SOX6: variants seen among roughly 807,000 people sequenced by gnomAD.
SOX6 encodes SRY-box transcription factor 6.
A neutral mutation model predicts 97.8 loss-of-function variants in SOX6; 11 were observed. The ratio of observed to expected loss-of-function variants is 0.11; its 90% CI spans 0.07 to 0.19. The LOEUF (loss-of-function observed/expected upper bound fraction) is 0.19. Ranked by LOEUF, SOX6 falls within the 10% of genes least tolerant of loss-of-function variation. The pLI, the probability that SOX6 is intolerant of heterozygous loss-of-function variation, is 1.00. For synonymous variants in SOX6, 360 were observed against 371.4 expected, an observed-to-expected ratio of 0.97 and a Z score of 0.35; for missense variants, 810 against 1,039.5, an observed-to-expected ratio of 0.78 and a Z score of 3.04.
chr11:16,323,430 G>T (rs145654709), intron 2 of SOX6, among the ~76,000 whole-genome samples: 5 of 152,208 alleles, frequency 3.3e-5, no homozygotes, highest in African/African-American at 1.2e-4. Flanking sequence ...CAAAACTGAT[G>T]GTTCACCAAT....
At chr11:16,521,692 G>A (rs1017841910) in intron 4 of SOX6, among the ~76,000 whole-genome samples, 1 of 152,146 alleles carries the variant, frequency 6.6e-6, no homozygotes, top group Non-Finnish European at 1.5e-5. Flanking sequence ...AGCTACAGGA[G>A]GAAACTCAAA....
At chr11:15,976,140 CA>C (rs1853476843) in intron 15 of SOX6, among the ~76,000 whole-genome samples, 1 of 152,134 alleles carries the variant, frequency 6.6e-6, no homozygotes, top group African/African-American at 2.4e-5. Flanking sequence ...GTAAGGTTCT[CA>C]CATTCACATA....
At chr11:16,395,283 T>C (rs1315105428) in intron 1 of SOX6, among the ~76,000 whole-genome samples, 1 of 151,828 alleles carries the variant, frequency 6.6e-6, no homozygotes, top group Non-Finnish European at 1.5e-5. Context: ...TAATTTCAAA[T>C]TGCAATATCT....
In SOX6 at chr11:16,449,393, C is replaced by T. The variant is rs545865974; in HGVS notation, c.-5+26922G>A. On this transcript the variant is annotated intron_variant, in intron 1 of 15. Coordinates refer to the SOX6 transcript ENST00000396356. The stretch of plus-strand genomic sequence containing the variant: ...CTGCAAGCTCCGCCTCCCGGGTTCG[C>T]GCCATTCTCCTGCCTCCGCCTCCTG... Among the ~76,000 whole-genome samples, 21 of 146,562 alleles carry T rather than the reference C, an allele frequency of 1.4e-4. No homozygotes were observed. In the South Asian group the frequency reaches 3.6e-3, roughly 25 times the overall value.
chr11:16,642,143 T>C (rs1848926388), intron 3 of SOX6, among the ~76,000 whole-genome samples: 1 of 152,170 alleles, frequency 6.6e-6, no homozygotes, highest in South Asian at 2.1e-4. Flanking sequence ...CTGTAAAGTA[T>C]TTTATTTCTC....
intron 4 of SOX6, among the ~76,000 whole-genome samples, chr11:16,516,274 A>G (rs910914137): frequency 2.6e-5 from 4 of 151,856 alleles, no homozygotes; most frequent in Non-Finnish European, 5.9e-5. Flanking sequence ...ATCCCTTGTA[A>G]GTTGGATTCC....
chr11:16,073,907 C>A (rs1044495828), intron 9 of SOX6, among the ~76,000 whole-genome samples: 2 of 152,082 alleles, frequency 1.3e-5, no homozygotes, highest in African/African-American at 2.4e-5. Context: ...ACCAAAGATA[C>A]AATATACCAG....
intron 1 of SOX6, among the ~76,000 whole-genome samples, chr11:16,447,772 G>T (rs1859642399): frequency 6.6e-6 from 1 of 152,152 alleles, no homozygotes; most frequent in Non-Finnish European, 1.5e-5. Flanking sequence ...CAAACTGTGT[G>T]TTGAATGAGT....
intron 3 of SOX6, among the ~76,000 whole-genome samples, chr11:16,670,550 C>T (rs1470234326): frequency 6.6e-6 from 1 of 152,206 alleles, no homozygotes; most frequent in East Asian, 1.9e-4. Context: ...ATTCACACCT[C>T]CAACAAACTG....
At chr11:16,162,265 T>C (rs938548592) in intron 6 of SOX6, among the ~76,000 whole-genome samples, 1 of 152,204 alleles carries the variant, frequency 6.6e-6, no homozygotes, top group African/African-American at 2.4e-5. Context: ...TTTTATTTCT[T>C]TGAAGACCTT....
At chr11:16,713,694 G>T (rs374615002) in intron 3 of SOX6, among the ~76,000 whole-genome samples, 1 of 152,104 alleles carries the variant, frequency 6.6e-6, no homozygotes, top group South Asian at 2.1e-4. Context: ...ATCCTACACT[G>T]CCTACTTTCA....
intron 6 of SOX6, among the ~76,000 whole-genome samples, chr11:16,138,949 A>AT (rs1403454456): frequency 6.6e-6 from 1 of 152,086 alleles, no homozygotes; most frequent in Admixed American, 6.5e-5. Flanking sequence ...CCAGTCTATC[A>AT]TTTTTGGACA....
Position 15,968,737 on chromosome 11 carries a change from A to T in SOX6, c.*4072T>A, listed in dbSNP as rs972334452. 6 of 152,306 alleles carry T rather than the reference A, an allele frequency of 3.9e-5. No individual in the cohort carries two copies. Among genetic ancestry groups the T allele is most frequent in the Non-Finnish European group, 5.9e-5 (4 of 68,116 alleles). 9.4% of individuals were successfully genotyped at this position (152,306 alleles called of 1,614,324 possible). A position where few individuals can be genotyped will look rare whatever the true frequency, so the allele number is the denominator to read the frequency against. On this transcript the variant is annotated 3_prime_UTR_variant, in exon 16 of 16. Coordinates refer to ENST00000683767, the MANE Select transcript of SOX6 (RefSeq NM_001367873.1). ...GGGGAGGCCAGAATTCGACAAGCTC[A>T]ATAGCACTGTGAGCCCACACCTGAA...
At chr11:16,401,063 A>G (rs1858544548) in intron 1 of SOX6, among the ~76,000 whole-genome samples, 1 of 151,554 alleles carries the variant, frequency 6.6e-6, no homozygotes, top group South Asian at 2.1e-4. Context: ...TTTTTCAATT[A>G]TATACCAATT....
At chr11:16,222,026 T>G in intron 4 of SOX6, among the ~76,000 whole-genome samples, 1 of 152,238 alleles carries the variant, frequency 6.6e-6, no homozygotes, top group Admixed American at 6.5e-5. Context: ...ACGAAAAGGT[T>G]GTAAAATACT....
At chr11:16,380,945 T>C (rs1001906888) in intron 1 of SOX6, among the ~76,000 whole-genome samples, 1 of 152,114 alleles carries the variant, frequency 6.6e-6, no homozygotes, top group Admixed American at 6.6e-5. Context: ...TTTCTAAACA[T>C]ATGATCTTGA....
chr11:16,316,079 T>C (rs1855751863), intron 3 of SOX6: 1 of 149,240 alleles, frequency 6.7e-6, no homozygotes, highest in Non-Finnish European at 1.5e-5. Context: ...GCTGACCCCA[T>C]TGCATTTTCT....
chr11:16,451,718 A>G (rs1859718411), intron 1 of SOX6, among the ~76,000 whole-genome samples: 1 of 152,046 alleles, frequency 6.6e-6, no homozygotes. Flanking sequence ...TGTGCATCCT[A>G]ATCAACTGTG....
At chr11:16,623,719 A>C (rs1244902270) in intron 3 of SOX6, among the ~76,000 whole-genome samples, 1 of 152,164 alleles carries the variant, frequency 6.6e-6, no homozygotes, top group Non-Finnish European at 1.5e-5. Flanking sequence ...TCTTTGATCC[A>C]TCTTGAGTTG....
Sources: allele counts gnomAD v4.1 joint callset (sites outside exome capture counted in the v4.1 genomes callset), GRCh38; gene constraint gnomAD v4.1.1; transcripts MANE v1.5; gene names NCBI Gene and HGNC (gene_info 2026-07-23, HGNC 2026-07-21).